ERICH6: variants seen among roughly 807,000 people sequenced by gnomAD.
ERICH6 encodes glutamate-rich protein 6.
ERICH6 carries 71 observed loss-of-function variants against 71.0 expected under a neutral mutation model. That is an observed-to-expected ratio of 1.00 (90% CI 0.83 to 1.22). The LOEUF (loss-of-function observed/expected upper bound fraction) is 1.22, where lower values mean the gene tolerates loss of function less well. ERICH6 is among the 50% of genes most tolerant of loss of function. ERICH6 has a pLI of 0.00. For synonymous variants in ERICH6, 262 were observed against 278.4 expected (o/e 0.94, Z 0.59); for missense variants, 808 against 797.2 (o/e 1.01, Z -0.16).
chr3:150,667,287 A>G (rs1242954631), intron 12 of ERICH6, among the ~76,000 whole-genome samples: 2 of 152,138 alleles, frequency 1.3e-5, no homozygotes, highest in African/African-American at 4.8e-5. Context: ...TTGAAGAGGG[A>G]GCAGGGAAGG....
chr3:150,694,041 A>G (rs1447987511), intron 3 of ERICH6, among the ~76,000 whole-genome samples: 1 of 152,148 alleles, frequency 6.6e-6, no homozygotes, highest in Admixed American at 6.5e-5. Context: ...TGATGTATGG[A>G]CTTCAGAGTA....
chr3:150,680,468 C>T lies in ERICH6; in HGVS notation c.1111G>A (p.Asp371Asn). 1 of 1,614,052 alleles carries T rather than the reference C, an allele frequency of 6.2e-7. No homozygotes were observed. The highest frequency in any genetic ancestry group is 1.1e-5 in the South Asian group (1 of 91,070). The change falls in exon 9 of 14, where the codon GAT (aspartate) becomes AAT (asparagine). Residue 371 changes from aspartate (D) to asparagine (N), a missense_variant and splice_region_variant. Physicochemically the swap from Asp to Asn is conservative, Grantham distance 23. Coordinates refer to ENST00000295910, the MANE Select transcript of ERICH6 (RefSeq NM_152394.5). ...ATAAGATCAGCACTAATGAACTCAC[C>T]ATCTTCAGAGAAATGAGTCTGTTCC... Reference protein sequence around the residue: ...SREQTHFSEDDSKRLKTISYQ... With the variant: ...SREQTHFSEDNSKRLKTISYQ...
chr3:150,681,386 T>C (rs575277803), intron 7 of ERICH6, among the ~76,000 whole-genome samples: 1 of 152,350 alleles, frequency 6.6e-6, no homozygotes, highest in East Asian at 1.9e-4. Context: ...CACATTTCTT[T>C]TTATGGCTGA....
intron 13 of ERICH6, among the ~76,000 whole-genome samples, chr3:150,660,849 C>A (rs1727195633): frequency 1.3e-5 from 2 of 152,222 alleles, no homozygotes; most frequent in African/African-American, 4.8e-5. Context: ...CTACCCTCTG[C>A]AAGCTAAGTG....
intron 10 of ERICH6, among the ~76,000 whole-genome samples, chr3:150,676,808 T>C (rs1465153565): frequency 2.7e-5 from 4 of 146,662 alleles, no homozygotes; most frequent in Non-Finnish European, 5.9e-5. Context: ...AGCTAATTAA[T>C]TAAAAAAAAA....
At chr3:150,672,564 C>T (rs1711515118) in intron 11 of ERICH6, among the ~76,000 whole-genome samples, 1 of 151,878 alleles carries the variant, frequency 6.6e-6, no homozygotes, top group South Asian at 2.1e-4. Context: ...CACTACTGCA[C>T]TACAGCCTAG....
chr3:150,682,308 C>G lies in ERICH6; in HGVS notation c.792G>C (p.Glu264Asp), dbSNP rs1711998024. The change falls in exon 7 of 14, where the codon GAG becomes GAC. Residue 264 changes from glutamate (E) to aspartate (D), a missense_variant. Transcript: ENST00000295910. ...ATTCACATTTGGGTGATGTCTCCTC[C>G]TCTTCATCCTTCAGAGAGAGAGGAA... ...SNLGINFKDE[E>D]EETSPKCEFC... 1 of 1,612,526 alleles carries G rather than the reference C, an allele frequency of 6.2e-7. No individual in the cohort carries two copies. Among genetic ancestry groups the G allele is most frequent in the Non-Finnish European group, 8.5e-7 (1 of 1,179,798 alleles).
intron 7 of ERICH6, among the ~76,000 whole-genome samples, chr3:150,681,847 C>T (rs888392563): frequency 8.3e-6 from 1 of 120,494 alleles, no homozygotes; most frequent in African/African-American, 3.0e-5. Context: ...CAGAGTCTCA[C>T]TCTGTTGCCC....
rs750016211 is a variant in ERICH6, at chr3:150,702,152, T to G, written c.430A>C (p.Arg144=). 8 of 1,578,402 alleles carry G rather than the reference T, an allele frequency of 5.1e-6. No homozygotes were observed. The highest frequency in any genetic ancestry group is 6.9e-6 in the Non-Finnish European group (8 of 1,157,360). ...ATACTCATTTCAGACATGTCTTTCC[T>G]AAATGTCTGAAATATTTTAGGGAAA... ...KSFPKIFQTF[R]KDMSEMSIDR... is the part of the protein sequence containing the mutation. The change falls in exon 2 of 14, where the codon AGG becomes CGG. Residue 144 remains arginine (R), a synonymous_variant. Coordinates refer to ENST00000295910, the MANE Select transcript of ERICH6 (RefSeq NM_152394.5).
intron 11 of ERICH6, among the ~76,000 whole-genome samples, chr3:150,673,714 G>A (rs1341320004): frequency 3.3e-5 from 5 of 151,946 alleles, no homozygotes; most frequent in Non-Finnish European, 7.4e-5. Flanking sequence ...TCAGTCTCCC[G>A]AGTAGCTGAG....
intron 7 of ERICH6, among the ~76,000 whole-genome samples, chr3:150,681,490 T>C (rs1711934514): frequency 6.6e-6 from 1 of 152,242 alleles, no homozygotes; most frequent in Non-Finnish European, 1.5e-5. Context: ...CTATTACGAA[T>C]CATGCTGCTG....
At chr3:150,679,219 T>G (rs1711798153) in intron 9 of ERICH6, among the ~76,000 whole-genome samples, 1 of 151,966 alleles carries the variant, frequency 6.6e-6, no homozygotes, top group African/African-American at 2.4e-5. Flanking sequence ...AACTTTTATT[T>G]TTATTTATTT....
chr3:150,688,715 G>A (rs1480994221), intron 3 of ERICH6, among the ~76,000 whole-genome samples: 1 of 152,202 alleles, frequency 6.6e-6, no homozygotes, highest in Non-Finnish European at 1.5e-5. Flanking sequence ...GCAATCATTT[G>A]TCTCTTCTCT....
chr3:150,689,788 G>A (rs1712349806), intron 3 of ERICH6, among the ~76,000 whole-genome samples: 1 of 152,072 alleles, frequency 6.6e-6, no homozygotes, highest in Non-Finnish European at 1.5e-5. Flanking sequence ...ATAATAGCCT[G>A]GGGTTCCTTA....
intron 3 of ERICH6, among the ~76,000 whole-genome samples, chr3:150,697,966 A>T (rs1712715714): frequency 1.3e-5 from 2 of 152,038 alleles, no homozygotes; most frequent in Admixed American, 6.6e-5. Flanking sequence ...TGCCTGGAAC[A>T]CCTTTCCTGT....
At chr3:150,687,616 G>T (rs1342468936) in intron 3 of ERICH6, among the ~76,000 whole-genome samples, 1 of 152,172 alleles carries the variant, frequency 6.6e-6, no homozygotes, top group Non-Finnish European at 1.5e-5. Context: ...AGCAGCACTG[G>T]AAATGGGGAA....
At chr3:150,686,169 CCACCTTCT>C in intron 4 of ERICH6, 121 bp downstream of exon 4, 1 of 1,271,698 alleles carries the variant, frequency 7.9e-7, no homozygotes, top group African/African-American at 1.5e-5. Context: ...GACGTTTTCG[CCACCTTCT>C]CACACCTGTT....
At chr3:150,685,927 G>A in intron 5 of ERICH6, 39 bp downstream of exon 5, 2 of 1,597,492 alleles carry the variant, frequency 1.3e-6, no homozygotes, top group South Asian at 1.1e-5. Flanking sequence ...TTTTTACTAT[G>A]AGAACAGTGT....
Position 150,669,279 on chromosome 3 carries a change from G to A in ERICH6, c.1499+17C>T. ...CAAAAGCCACAAAATGGCAGCAGCAGGAACCTAGAAGCTTACCAGACATTT... is the reference window on the plus strand; with the variant it reads ...CAAAAGCCACAAAATGGCAGCAGCAAGAACCTAGAAGCTTACCAGACATTT... On this transcript the variant is annotated intron_variant, in intron 12 of 13. Coordinates refer to ENST00000295910, the MANE Select transcript of ERICH6 (RefSeq NM_152394.5). 1 of 1,562,868 alleles carries A rather than the reference G, an allele frequency of 6.4e-7. No homozygotes were observed. Among genetic ancestry groups the A allele is most frequent in the Non-Finnish European group, 8.6e-7 (1 of 1,158,320 alleles).
Sources: gnomAD v4.1 joint callset for allele counts (sites outside exome capture counted in the v4.1 genomes callset) on GRCh38, gnomAD v4.1.1 for gene constraint, MANE v1.5 for transcripts, NCBI Gene and HGNC (gene_info 2026-07-23, HGNC 2026-07-21) for gene names.